MMP16: variants seen among roughly 807,000 people sequenced by gnomAD.
MMP16 encodes the protein matrix metalloproteinase-16.
Under a neutral mutation model 67.8 loss-of-function variants are expected in MMP16, and 12 were observed. The ratio of observed to expected loss-of-function variants is 0.18; its 90% CI spans 0.11 to 0.29. MMP16 has a LOEUF of 0.29. Ranked by LOEUF, MMP16 falls within the 10% of genes least tolerant of loss-of-function variation. The pLI is 1.00. For synonymous variants in MMP16, 249 were observed against 255.9 expected (o/e 0.97, Z 0.26); for missense variants, 475 against 765.7 (o/e 0.62, Z 4.48).
chr8:88,216,554 G>A (rs1809597781), intron 1 of MMP16, among the ~76,000 whole-genome samples: 1 of 151,890 alleles, frequency 6.6e-6, no homozygotes, highest in Admixed American at 6.6e-5. Flanking sequence ...GTTGCCTGTC[G>A]ATGCCATGCT....
chr8:88,161,248 A>T (rs1192283823), intron 4 of MMP16, among the ~76,000 whole-genome samples: 5 of 152,160 alleles, frequency 3.3e-5, no homozygotes, highest in African/African-American at 4.8e-5. Flanking sequence ...CTATTCAGAG[A>T]TTCAACTTCT....
intron 1 of MMP16, among the ~76,000 whole-genome samples, chr8:88,272,424 G>C (rs549284569): frequency 6.6e-6 from 1 of 152,250 alleles, no homozygotes; most frequent in African/African-American, 2.4e-5. Context: ...AGAACATCTT[G>C]AATCCTATTT....
chr8:88,145,235 C>T (rs894681026), intron 4 of MMP16, among the ~76,000 whole-genome samples: 2 of 151,910 alleles, frequency 1.3e-5, no homozygotes, highest in African/African-American at 2.4e-5. Context: ...TAGCCTGTTG[C>T]TCCTAGGCTA....
intron 1 of MMP16, among the ~76,000 whole-genome samples, chr8:88,202,498 C>T (rs1467489846): frequency 6.6e-6 from 1 of 152,104 alleles, no homozygotes; most frequent in East Asian, 1.9e-4. Context: ...AGTGCCCTTA[C>T]CTGAAATTCC....
chr8:88,138,693 C>T (rs1382891240), intron 4 of MMP16, among the ~76,000 whole-genome samples: 3 of 152,014 alleles, frequency 2.0e-5, no homozygotes, highest in African/African-American at 7.2e-5. Context: ...CCAGAATTGG[C>T]AAATGTCCTA....
At chr8:88,308,016 A>T (rs1444271873) in intron 1 of MMP16, among the ~76,000 whole-genome samples, 1 of 152,144 alleles carries the variant, frequency 6.6e-6, no homozygotes, top group Non-Finnish European at 1.5e-5. Context: ...GAAACTTCAA[A>T]ATAGTTTTCC....
chr8:88,126,138 CA>C (rs1215217522), intron 4 of MMP16, among the ~76,000 whole-genome samples: 1 of 151,708 alleles, frequency 6.6e-6, no homozygotes, highest in East Asian at 1.9e-4. Flanking sequence ...CTACTATGTG[CA>C]AGGAAATATA....
At position 88,036,410 on chromosome 8, in the gene MMP16, A is replaced by G. The variant is rs1195059592; in HGVS notation, c.*5051T>C. On this transcript the variant is annotated 3_prime_UTR_variant, in exon 10 of 10. Transcript: ENST00000286614. ...ATTTTTCCTCCTCCATTTCCATCAT[A>G]TTATATAAATATGAAAGCTAAATAT... 1 of 151,766 alleles carries G rather than the reference A, an allele frequency of 6.6e-6. No individual in the cohort carries two copies. Among genetic ancestry groups the G allele is most frequent in the Non-Finnish European group, 1.5e-5 (1 of 67,818 alleles). The allele number at this position is 151,766 out of a possible 1,614,324, so 9.4% of individuals were successfully genotyped here.
At chr8:88,276,984 C>T (rs572870302) in intron 1 of MMP16, among the ~76,000 whole-genome samples, 3 of 152,144 alleles carry the variant, frequency 2.0e-5, no homozygotes, top group African/African-American at 7.2e-5. Flanking sequence ...TGTTTTTTCA[C>T]ATTAAAGATT....
chr8:88,151,588 C>A (rs1808408523), intron 4 of MMP16, among the ~76,000 whole-genome samples: 1 of 138,786 alleles, frequency 7.2e-6, no homozygotes, highest in East Asian at 2.3e-4. Context: ...TACATGGAAA[C>A]TGAACAACCT....
chr8:88,284,228 A>G (rs1283285540), intron 1 of MMP16, among the ~76,000 whole-genome samples: 1 of 152,198 alleles, frequency 6.6e-6, no homozygotes, highest in Non-Finnish European at 1.5e-5. Flanking sequence ...TTATCATGCC[A>G]ATCTAACAGA....
At chr8:88,238,936 C>G (rs2129895022) in intron 1 of MMP16, among the ~76,000 whole-genome samples, 1 of 152,038 alleles carries the variant, frequency 6.6e-6, no homozygotes, top group South Asian at 2.1e-4. Flanking sequence ...ACCAGTCTGG[C>G]CAATATGGCA....
chr8:88,184,752 A>C (rs2129749301), intron 3 of MMP16, among the ~76,000 whole-genome samples: 1 of 12,048 alleles, frequency 8.3e-5, no homozygotes, highest in African/African-American at 2.0e-4. Context: ...GTCTCAAAAA[A>C]AAAAAAAAAA....
At chr8:88,168,770 CA>C (rs1235565342) in intron 3 of MMP16, among the ~76,000 whole-genome samples, 1 of 151,844 alleles carries the variant, frequency 6.6e-6, no homozygotes, top group African/African-American at 2.4e-5. Flanking sequence ...TCAAAGCATG[CA>C]TGTGAAAAAA....
At chr8:88,078,828 T>A (rs761824067) in intron 6 of MMP16, among the ~76,000 whole-genome samples, 10 of 152,238 alleles carry the variant, frequency 6.6e-5, no homozygotes, top group Non-Finnish European at 8.8e-5. Context: ...CACTGAACAT[T>A]TCTAGCAGTC....
At position 88,280,154 on chromosome 8, in the gene MMP16, C is replaced by T. The variant is rs148659653; in HGVS notation, c.132+46921G>A. ...ACTGAACTGCATCTGTTTTAAGTGG[C>T]AAAATTTGTGCACTTATGGTCTGCT... On this transcript the variant is annotated intron_variant, in intron 1 of 9. Transcript: ENST00000286614. 2.2e-4 allele frequency among the ~76,000 whole-genome samples: 33 copies of T among 152,262 alleles called. 2 individuals carry two copies. The highest frequency in any genetic ancestry group is 3.4e-3 in the Middle Eastern group (1 of 294).
chr8:88,173,031 T>C (rs1435013097), intron 3 of MMP16, among the ~76,000 whole-genome samples: 1 of 152,180 alleles, frequency 6.6e-6, no homozygotes, highest in East Asian at 1.9e-4. Flanking sequence ...TTAGTAATGG[T>C]TATAACTCTT....
intron 1 of MMP16, among the ~76,000 whole-genome samples, chr8:88,275,769 C>T (rs1231930600): frequency 6.6e-6 from 1 of 151,758 alleles, no homozygotes; most frequent in Non-Finnish European, 1.5e-5. Context: ...TATTAATACT[C>T]ATAGTAACAA....
At chr8:88,177,757 C>T (rs535878473) in intron 3 of MMP16, among the ~76,000 whole-genome samples, 7 of 151,952 alleles carry the variant, frequency 4.6e-5, no homozygotes, top group Non-Finnish European at 1.0e-4. Flanking sequence ...ATTACATAAA[C>T]GAAGAAAAAC....
Sources: gnomAD v4.1 joint callset for allele counts (sites outside exome capture counted in the v4.1 genomes callset) on GRCh38, gnomAD v4.1.1 for gene constraint, MANE v1.5 for transcripts, NCBI Gene and HGNC (gene_info 2026-07-23, HGNC 2026-07-21) for gene names.